The following B3GNT3 variants were observed in gnomAD, a reference collection of about 807,000 sequenced individuals.
B3GNT3 encodes the protein N-acetyllactosaminide beta-1,3-N-acetylglucosaminyltransferase 3.
In B3GNT3, 7 loss-of-function variants were observed where a neutral mutation model predicts 11.6. That is an observed-to-expected ratio of 0.60 (90% CI 0.34 to 1.13). The LOEUF (loss-of-function observed/expected upper bound fraction) is 1.13, where lower values mean the gene tolerates loss of function less well. Among genes scored for constraint, B3GNT3 ranks in the 50% most tolerant of loss-of-function variants. The pLI is 0.03. For synonymous variants in B3GNT3, 201 were observed against 222.1 expected (o/e 0.90, Z 0.85); for missense variants, 400 against 507.4 (o/e 0.79, Z 2.03).
At chr19:17,802,383 A>G (rs2094167393) in intron 1 of B3GNT3, among the ~76,000 whole-genome samples, 1 of 152,152 alleles carries the variant, frequency 6.6e-6, no homozygotes, top group South Asian at 2.1e-4. Flanking sequence ...CTTCTGCAAC[A>G]AACTAGGTAG....
chr19:17,808,578 T>TTAC (rs1300550307), intron 2 of B3GNT3, among the ~76,000 whole-genome samples: 1 of 152,104 alleles, frequency 6.6e-6, no homozygotes, highest in Non-Finnish European at 1.5e-5. Flanking sequence ...AGGAGCTAGG[T>TTAC]TACTAGCACA....
At position 17,813,129 on chromosome 19, in the gene B3GNT3, T is replaced by C. The variant is rs141214187; in HGVS notation, c.*1007T>C. ...AAATTTACAAGTTTCAACAGACAAG[T>C]CCACATTCATCCCTAAAAGTCTCAT... On this transcript the variant is annotated 3_prime_UTR_variant, in exon 3 of 3. Coordinates refer to ENST00000318683, the MANE Select transcript of B3GNT3 (RefSeq NM_014256.4). The C allele has an allele frequency of 1.3e-5, 2 of 151,832 alleles. No individual in the cohort carries two copies. The highest frequency in any genetic ancestry group is 3.9e-4 in the East Asian group (2 of 5,160). The allele number at this position is 151,832 out of a possible 1,614,324, so 9.4% of individuals were successfully genotyped here.
intron 1 of B3GNT3, among the ~76,000 whole-genome samples, chr19:17,805,476 C>T (rs1029176531): frequency 1.3e-5 from 2 of 152,172 alleles, no homozygotes; most frequent in South Asian, 4.1e-4. Context: ...CTCATTGCTT[C>T]TCACAGGAAA....
Position 17,811,432 on chromosome 19 carries a change from C to G in B3GNT3, c.568-139C>G, listed in dbSNP as rs1568393016. The G allele has an allele frequency of 1.2e-6, 1 of 842,788 alleles. No individual in the cohort carries two copies. 52.2% of individuals were successfully genotyped at this position (842,788 alleles called of 1,614,324 possible). ...GCACAGAGAGGGTTTCCCAAGTAAC[C>G]CCACAGGGCAGGGCCTTAACCCAGG... On this transcript the variant is annotated intron_variant, in intron 2 of 2. Transcript: ENST00000318683. The surrounding 1 kb of genome is among the most constrained non-coding windows in gnomAD (Gnocchi z 4.1).
chr19:17,797,534 G>A (rs2094160789), intron 1 of B3GNT3, among the ~76,000 whole-genome samples: 1 of 152,138 alleles, frequency 6.6e-6, no homozygotes, highest in South Asian at 2.1e-4. Flanking sequence ...GTGTTATTCA[G>A]GGGCCCCTTT....
intron 1 of B3GNT3, among the ~76,000 whole-genome samples, chr19:17,799,997 A>AG (rs1455020308): frequency 2.6e-5 from 4 of 152,188 alleles, no homozygotes; most frequent in Non-Finnish European, 4.4e-5. Context: ...CTTGGGAGTG[A>AG]GGGGGGCAGA....
At chr19:17,802,883 T>A (rs1389515929) in intron 1 of B3GNT3, among the ~76,000 whole-genome samples, 1 of 151,722 alleles carries the variant, frequency 6.6e-6, no homozygotes, top group Non-Finnish European at 1.5e-5. Context: ...CACAGACAGG[T>A]CTCCCTTTTT....
Position 17,808,503 on chromosome 19 carries a change from G to T in B3GNT3, c.567+129G>T. ...TCACAGCCCATTCTGCCCCTCTGCT[G>T]TCCTCACCAGCCTCGTGGAGACCCA... On this transcript the variant is annotated intron_variant, in intron 2 of 2. Coordinates refer to ENST00000318683, the MANE Select transcript of B3GNT3 (RefSeq NM_014256.4). The T allele has an allele frequency of 4.0e-6, 4 of 1,000,436 alleles. No homozygotes were observed. In the South Asian group the frequency reaches 6.9e-5, roughly 17 times the overall value. 62.0% of individuals were successfully genotyped at this position (1,000,436 alleles called of 1,614,324 possible). A position where few individuals can be genotyped will look rare whatever the true frequency, so the allele number is the denominator to read the frequency against.
At chr19:17,804,400 C>T (rs1238884554) in intron 1 of B3GNT3, among the ~76,000 whole-genome samples, 2 of 150,930 alleles carry the variant, frequency 1.3e-5, no homozygotes, top group Admixed American at 6.6e-5. Context: ...CCACCACACC[C>T]GGGTAATTTT....
chr19:17,804,542 T>TTTC (rs1332407310), intron 1 of B3GNT3, among the ~76,000 whole-genome samples: 27 of 126,286 alleles, frequency 2.1e-4, no homozygotes, highest in African/African-American at 8.1e-4. Flanking sequence ...GCTTTTTTTT[T>TTTC]TTTTTTTTTT....
At chr19:17,804,244 T>TC (rs891299760) in intron 1 of B3GNT3, among the ~76,000 whole-genome samples, 5 of 146,944 alleles carry the variant, frequency 3.4e-5, no homozygotes, top group African/African-American at 7.5e-5. Flanking sequence ...TTTTTTCTTT[T>TC]TTTTTTTTTT....
chr19:17,805,094 G>A (rs2094171480), intron 1 of B3GNT3, among the ~76,000 whole-genome samples: 1 of 145,178 alleles, frequency 6.9e-6, no homozygotes, highest in East Asian at 2.0e-4. Flanking sequence ...TAATCCCTTA[G>A]TGACCACAGG....
At chr19:17,802,285 G>A (rs552198601) in intron 1 of B3GNT3, among the ~76,000 whole-genome samples, 118 of 152,270 alleles carry the variant, frequency 7.7e-4, no homozygotes, top group Non-Finnish European at 6.6e-4. Context: ...GAGGCAGAAC[G>A]TGTGCGGCAG....
rs377576293 is a variant in B3GNT3, at chr19:17,808,117, G to A, written c.310G>A (p.Ala104Thr). The change falls in exon 2 of 3, where the codon GCG (alanine) becomes ACG (threonine). Residue 104 changes from alanine to threonine, a missense_variant. Ala to Thr is a moderately conservative substitution (Grantham distance 58). Coordinates refer to ENST00000318683, the MANE Select transcript of B3GNT3 (RefSeq NM_014256.4). Reference sequence around the variant, plus strand: ...GCAGGACGTGCCCCCCTCTAAGTGCGCGCAGCCGGTCTTCCTGCTGCTGGT... The same window carrying A: ...GCAGGACGTGCCCCCCTCTAAGTGCACGCAGCCGGTCTTCCTGCTGCTGGT... ...LLQDVPPSKC[A>T]QPVFLLLVIK... 4.3e-6 allele frequency: 7 copies of A among 1,613,640 alleles called. No individual in the cohort carries two copies. Among genetic ancestry groups the A allele is most frequent in the African/African-American group, 2.7e-5 (2 of 74,904 alleles).
intron 1 of B3GNT3, among the ~76,000 whole-genome samples, chr19:17,804,554 T>TTTTC (rs1375735545): frequency 2.1e-5 from 3 of 141,784 alleles, no homozygotes; most frequent in African/African-American, 8.0e-5. Flanking sequence ...TTTTTTTTTT[T>TTTTC]TGAGACATAG....
intron 1 of B3GNT3, among the ~76,000 whole-genome samples, chr19:17,805,289 G>C (rs148635258): frequency 8.1e-4 from 123 of 151,818 alleles, no homozygotes; most frequent in African/African-American, 2.8e-3. Context: ...GGTAGAGATG[G>C]GGTTTCACCA....
chr19:17,808,379 G>C lies in B3GNT3; in HGVS notation c.567+5G>C. The C allele has an allele frequency of 6.3e-7, 1 of 1,596,972 alleles. No individual in the cohort carries two copies. Among genetic ancestry groups the C allele is most frequent in the Non-Finnish European group, 8.6e-7 (1 of 1,169,430 alleles). On this transcript the variant is annotated splice_donor_5th_base_variant and intron_variant, in intron 2 of 2. Transcript: ENST00000318683. ...TTCAACCTCACGCTCAAGCAGGTGC[G>C]CTGGACTGGGGTCACCTGATCGGGG...
intron 1 of B3GNT3, among the ~76,000 whole-genome samples, chr19:17,797,515 C>A (rs1487592348): frequency 6.6e-6 from 1 of 152,132 alleles, no homozygotes; most frequent in African/African-American, 2.4e-5. Context: ...CTCCACTGGG[C>A]CAGGGCTGGT....
At chr19:17,800,947 C>G (rs2094165404) in intron 1 of B3GNT3, among the ~76,000 whole-genome samples, 1 of 151,618 alleles carries the variant, frequency 6.6e-6, no homozygotes, top group Non-Finnish European at 1.5e-5. Context: ...TGCACTTCAG[C>G]CTGGGCGACA....
Sources: gnomAD v4.1 joint callset for allele counts (sites outside exome capture counted in the v4.1 genomes callset) on GRCh38, gnomAD v4.1.1 for gene constraint, Gnocchi (gnomAD v3.1) non-coding constraint, MANE v1.5 for transcripts, NCBI Gene and HGNC (gene_info 2026-07-23, HGNC 2026-07-21) for gene names.